The following TGFBR1 variants were observed in gnomAD, a reference collection of about 807,000 sequenced individuals.
TGFBR1 encodes the protein TGF-beta receptor type-1.
A neutral mutation model predicts 55.1 loss-of-function variants in TGFBR1; 20 were observed. The ratio of observed to expected loss-of-function variants is 0.36; its 90% CI spans 0.26 to 0.53. The LOEUF (loss-of-function observed/expected upper bound fraction) is 0.53, where lower values mean the gene tolerates loss of function less well. TGFBR1 is among the 20% of genes least tolerant of loss of function. The probability of loss-of-function intolerance (pLI) is 0.91; values close to 1 mark genes in which losing one functional copy is unlikely to be tolerated. For synonymous variants in TGFBR1, 220 were observed against 214.8 expected (o/e 1.02, Z -0.21); for missense variants, 385 against 617.6 (o/e 0.62, Z 3.99).
rs1827393061 is a variant in TGFBR1, at chr9:99,135,141, ACTTGGAG to A, written c.574+2403_574+2409del. Among the ~76,000 whole-genome samples the A allele has an allele frequency of 2.0e-5, 3 of 152,166 alleles. No individual in the cohort carries two copies. The South Asian group carries it at 6.2e-4, about 31-fold the overall frequency. On this transcript the variant is annotated intron_variant, in intron 3 of 8. Transcript: ENST00000374994. Reference sequence around the variant, plus strand: ...CAAGTGTTACTCTTATTGAAAACATACTTGGAGGAAAAATCTAACATACAGTATCAGT... The same window carrying A: ...CAAGTGTTACTCTTATTGAAAACATAGAAAAATCTAACATACAGTATCAGT...
chr9:99,136,029 A>G (rs1034743530), intron 3 of TGFBR1, among the ~76,000 whole-genome samples: 32 of 151,678 alleles, frequency 2.1e-4, no homozygotes, highest in African/African-American at 7.8e-4. Flanking sequence ...TAATTTTTGT[A>G]TATTTATTAG....
chr9:99,138,894 T>C (rs1385213586), intron 4 of TGFBR1, among the ~76,000 whole-genome samples: 1 of 151,980 alleles, frequency 6.6e-6, no homozygotes, highest in East Asian at 1.9e-4. Flanking sequence ...GCCTCCTGGG[T>C]TCAAGTGGTT....
intron 1 of TGFBR1, among the ~76,000 whole-genome samples, chr9:99,107,944 ACT>A (rs1273384327): frequency 6.6e-6 from 1 of 151,932 alleles, no homozygotes; most frequent in African/African-American, 2.4e-5. Context: ...GTCTTCCAGA[ACT>A]CTGCAACACT....
chr9:99,138,344 G>A (rs1235155804), intron 4 of TGFBR1, among the ~76,000 whole-genome samples: 1 of 152,178 alleles, frequency 6.6e-6, no homozygotes, highest in African/African-American at 2.4e-5. Context: ...AAAAAGCCAT[G>A]TACTTTGTTG....
intron 2 of TGFBR1, among the ~76,000 whole-genome samples, chr9:99,129,725 C>A (rs1440256878): frequency 6.6e-6 from 1 of 152,046 alleles, no homozygotes; most frequent in South Asian, 2.1e-4. Flanking sequence ...CATGGCAAAA[C>A]CCTATCTCTA....
intron 1 of TGFBR1, among the ~76,000 whole-genome samples, chr9:99,105,519 C>T (rs576260157): frequency 0.014 from 2,095 of 150,620 alleles, 35 homozygotes; most frequent in Non-Finnish European, 0.021. Context: ...TGTCCGGGCG[C>T]GGGCGGACGT....
chr9:99,120,045 G>A (rs1479063783), intron 1 of TGFBR1, among the ~76,000 whole-genome samples: 3 of 152,190 alleles, frequency 2.0e-5, no homozygotes, highest in Admixed American at 6.5e-5. Context: ...GCTGGGCACT[G>A]TGCTAAGTAT....
At chr9:99,106,330 G>A (rs955314058) in intron 1 of TGFBR1, among the ~76,000 whole-genome samples, 10 of 152,212 alleles carry the variant, frequency 6.6e-5, no homozygotes, top group African/African-American at 2.2e-4. Flanking sequence ...TTCGTTAGCA[G>A]CTGAACTGAG....
intron 1 of TGFBR1, among the ~76,000 whole-genome samples, chr9:99,107,631 C>T (rs183825659): frequency 6.6e-6 from 1 of 152,316 alleles, no homozygotes; most frequent in Admixed American, 6.5e-5. Context: ...TTTTTCTCAT[C>T]TAGGCTTTTC....
intron 5 of TGFBR1, among the ~76,000 whole-genome samples, chr9:99,143,090 G>A (rs956113962): frequency 2.0e-5 from 3 of 151,996 alleles, no homozygotes; most frequent in African/African-American, 2.4e-5. Flanking sequence ...AACAGTAGGT[G>A]GCCTAACTGG....
intron 5 of TGFBR1, among the ~76,000 whole-genome samples, chr9:99,143,626 A>G (rs1156611553): frequency 6.6e-6 from 1 of 152,156 alleles, no homozygotes. Context: ...TGTAGTTATT[A>G]TTATTATTGA....
At chr9:99,105,962 TTGTG>T (rs1347456718) in intron 1 of TGFBR1, among the ~76,000 whole-genome samples, 1 of 152,156 alleles carries the variant, frequency 6.6e-6, no homozygotes, top group Non-Finnish European at 1.5e-5. Flanking sequence ...CAGGGGGGCT[TTGTG>T]TGAGAAGAAG....
chr9:99,130,694 T>C (rs549065266), intron 2 of TGFBR1, among the ~76,000 whole-genome samples: 1 of 152,118 alleles, frequency 6.6e-6, no homozygotes, highest in Non-Finnish European at 1.5e-5. Flanking sequence ...CAATGAAAAG[T>C]TAGGAGTTCA....
In TGFBR1 at chr9:99,142,759, A is replaced by G. The variant is rs551944728; in HGVS notation, c.973+56A>G. 1.1e-5 allele frequency: 18 copies of G among 1,596,330 alleles called. No individual in the cohort carries two copies. The Admixed American group carries it at 1.7e-4, about 15-fold the overall frequency. ...CTTTAAATTTTCATGAATAATGTCT[A>G]TGAAAATAGAAGGTGGAGGCTGGGC... On this transcript the variant is annotated intron_variant, in intron 5 of 8. Transcript: ENST00000374994.
At chr9:99,116,689 A>G (rs188290028) in intron 1 of TGFBR1, among the ~76,000 whole-genome samples, 371 of 152,274 alleles carry the variant, frequency 2.4e-3, no homozygotes, top group African/African-American at 8.6e-3. Context: ...CACTTTCTTC[A>G]GTAGCCATGA....
intron 2 of TGFBR1, among the ~76,000 whole-genome samples, chr9:99,131,130 A>G (rs371900991): frequency 1.3e-5 from 2 of 152,160 alleles, no homozygotes; most frequent in East Asian, 3.8e-4. Context: ...CCAAACACAT[A>G]TAATAAAAAG....
chr9:99,109,812 A>C (rs1011168062), intron 1 of TGFBR1, among the ~76,000 whole-genome samples: 1 of 152,150 alleles, frequency 6.6e-6, no homozygotes. Flanking sequence ...ATGCTGGCAT[A>C]TTTCTCAGGG....
intron 3 of TGFBR1, 29 bp downstream of exon 3, chr9:99,132,768 A>T: frequency 6.2e-7 from 1 of 1,613,486 alleles, no homozygotes; most frequent in Non-Finnish European, 8.5e-7. Context: ...CTTTTTCCTA[A>T]GACATCTTTT....
rs1022332786 is a variant in TGFBR1, at chr9:99,152,690, T to C, written c.*3385T>C. ...GAAGAATCGTAAGTCAACTGTTTCT[T>C]GACCATGGCAGTGTTCTGGCTCCAA... On this transcript the variant is annotated 3_prime_UTR_variant, in exon 9 of 9. Coordinates refer to ENST00000374994, the MANE Select transcript of TGFBR1 (RefSeq NM_004612.4). The C allele has an allele frequency of 4.4e-6, 1 of 226,664 alleles. No individual in the cohort carries two copies. Among genetic ancestry groups the C allele is most frequent in the African/African-American group, 2.2e-5 (1 of 44,970 alleles). 14.0% of individuals were successfully genotyped at this position (226,664 alleles called of 1,614,324 possible).
Sources: gnomAD v4.1 joint callset for allele counts (sites outside exome capture counted in the v4.1 genomes callset) on GRCh38, gnomAD v4.1.1 for gene constraint, MANE v1.5 for transcripts, NCBI Gene and HGNC (gene_info 2026-07-23, HGNC 2026-07-21) for gene names.